The following SNAI3 variants were observed in gnomAD, a reference collection of about 807,000 sequenced individuals.
The protein encoded by SNAI3 is zinc finger protein SNAI3.
A neutral mutation model predicts 16.4 loss-of-function variants in SNAI3; 21 were observed. That is an observed-to-expected ratio of 1.28 (90% CI 0.91 to 1.85). The LOEUF is 1.85. Among genes scored for constraint, SNAI3 ranks in the 40% most tolerant of loss-of-function variants. The pLI, the probability that SNAI3 is intolerant of heterozygous loss-of-function variation, is 0.00. For missense variants in SNAI3, 457 were observed against 372.8 expected, an observed-to-expected ratio of 1.23 and a Z score of -1.86; for synonymous variants, 202 against 166.6, an observed-to-expected ratio of 1.21 and a Z score of -1.64.
In SNAI3 at chr16:88,681,978, A is replaced by G. The variant is rs1909189512; in HGVS notation, c.77-264T>C. Among the ~76,000 whole-genome samples, 1 of 152,134 alleles carries G rather than the reference A, an allele frequency of 6.6e-6. No homozygotes were observed. The highest frequency in any genetic ancestry group is 1.5e-5 in the Non-Finnish European group (1 of 68,022). ...GAATCTCACTTCCTCTTTAAACACA[A>G]AGAAACATCTGACGGGACCCTTTGT... On this transcript the variant is annotated intron_variant, in intron 1 of 2. Coordinates refer to ENST00000332281, the MANE Select transcript of SNAI3 (RefSeq NM_178310.4). The surrounding 1 kb of genome is among the most constrained non-coding windows in gnomAD (Gnocchi z 5.4).
In SNAI3 at chr16:88,681,831, T is replaced by A; in HGVS notation, c.77-117A>T. 1 of 1,187,192 alleles carries A rather than the reference T, an allele frequency of 8.4e-7. No homozygotes were observed. The highest frequency in any genetic ancestry group is 1.1e-6 in the Non-Finnish European group (1 of 931,774). The allele number at this position is 1,187,192 out of a possible 1,614,324, so 73.5% of individuals were successfully genotyped here. ...CCCATCAGCAGCCTGGCGTGGGAGG[T>A]GTAGCCGGGAACCTGCATGCAGACC... On this transcript the variant is annotated intron_variant, in intron 1 of 2. Coordinates refer to ENST00000332281, the MANE Select transcript of SNAI3 (RefSeq NM_178310.4). This position sits in a 1 kb window ranked among gnomAD's most constrained non-coding sequence, Gnocchi z 5.4.
chr16:88,680,045 C>T (rs1909110343), intron 2 of SNAI3, among the ~76,000 whole-genome samples: 2 of 149,760 alleles, frequency 1.3e-5, no homozygotes, highest in South Asian at 4.2e-4. Flanking sequence ...CAAACCACTG[C>T]ACTCCAGCCT....
At position 88,681,003 on chromosome 16, in the gene SNAI3, TATA is replaced by T; in HGVS notation, c.697+88_697+90del. 5.3e-6 allele frequency: 8 copies of T among 1,513,720 alleles called. No individual in the cohort carries two copies. The highest frequency in any genetic ancestry group is 7.1e-6 in the Non-Finnish European group (8 of 1,121,528). The allele number at this position is 1,513,720 out of a possible 1,614,324, so 93.8% of individuals were successfully genotyped here. ...GAATGTGAATGCCCATGCTATTGTT[TATA>T]AAATCACCCCTCCTCCTTTTCTAAC... On this transcript the variant is annotated intron_variant, in intron 2 of 2. Transcript: ENST00000332281. The surrounding 1 kb of genome is among the most constrained non-coding windows in gnomAD (Gnocchi z 5.4).
chr16:88,678,710 A>T (rs1171412363), intron 2 of SNAI3, 81 bp from the exon 3 acceptor site: 1 of 1,496,838 alleles, frequency 6.7e-7, no homozygotes, highest in African/African-American at 1.4e-5. Context: ...ATCAATGGAT[A>T]CTCCCATCCC....
At chr16:88,684,826 G>A (rs996928759) in intron 1 of SNAI3, among the ~76,000 whole-genome samples, 1 of 152,224 alleles carries the variant, frequency 6.6e-6, no homozygotes, top group Non-Finnish European at 1.5e-5. Flanking sequence ...GGCTTCAGGG[G>A]TTCCCTGGGG....
rs1323786519 is a variant in SNAI3 at position 88,678,593 on chromosome 16, G to A, written c.734C>T (p.Ala245Val). 2 of 1,046,084 alleles carry A rather than the reference G, an allele frequency of 1.9e-6. No homozygotes were observed. The highest frequency in any genetic ancestry group is 2.5e-5 in the South Asian group (2 of 80,080). 64.8% of individuals were successfully genotyped at this position (1,046,084 alleles called of 1,614,324 possible). ...KPYACSHCSR[A>V]FADRSNLRAH... ...CCGAAGGTTGGAGCGGTCGGCAAAG[G>A]CCCTGCTGCAGTGCGAGCAGGCATA... The change falls in exon 3 of 3, where the codon GCC (alanine) becomes GTC (valine). Residue 245 changes from alanine to valine, a missense_variant. Physicochemically the swap from Ala to Val is moderately conservative, Grantham distance 64 (BLOSUM62 0). Transcript: ENST00000332281.
chr16:88,686,439 T>G lies in SNAI3; in HGVS notation c.-33A>C, dbSNP rs138580254. 6.2e-7 allele frequency: 1 copy of G among 1,601,152 alleles called. No individual in the cohort carries two copies. Among genetic ancestry groups the G allele is most frequent in the Non-Finnish European group, 8.5e-7 (1 of 1,176,504 alleles). On this transcript the variant is annotated 5_prime_UTR_variant, in exon 1 of 3. Coordinates refer to ENST00000332281, the MANE Select transcript of SNAI3 (RefSeq NM_178310.4). ...TCCCGGGCGGCAGGCCGGGGTGGGC[T>G]GGGGCGGGAGGGGCGCGCCTGGGTC...
chr16:88,681,302 C>A lies in SNAI3; in HGVS notation c.489G>T (p.Thr163=). ...ECFHCHKPYH[T]LAGLARHRQL... ...GCCGGTGCCTGGCCAGCCCGGCCAGCGTGTGGTAGGGTTTGTGGCAGTGGA... is the reference window on the plus strand; with the variant it reads ...GCCGGTGCCTGGCCAGCCCGGCCAGAGTGTGGTAGGGTTTGTGGCAGTGGA... Residue 163 remains threonine (T), a synonymous_variant, in exon 2 of 3, where the codon ACG becomes ACT. Transcript: ENST00000332281. This position sits in a 1 kb window ranked among gnomAD's most constrained non-coding sequence, Gnocchi z 5.4. The A allele has an allele frequency of 1.2e-6, 2 of 1,613,216 alleles. No homozygotes were observed. The highest frequency in any genetic ancestry group is 8.5e-7 in the Non-Finnish European group (1 of 1,179,876).
rs969764208 is a variant in SNAI3 at position 88,678,355 on chromosome 16, G to A, written c.*93C>T. ...CGCACCAAGTGTGAGGCCAGGCCCCGCCCTCCCAGACTCCTGGCTCCTCTG... is the reference window on the plus strand; with the variant it reads ...CGCACCAAGTGTGAGGCCAGGCCCCACCCTCCCAGACTCCTGGCTCCTCTG... On this transcript the variant is annotated 3_prime_UTR_variant, in exon 3 of 3. Transcript: ENST00000332281. 18 of 618,842 alleles carry A rather than the reference G, an allele frequency of 2.9e-5. No homozygotes were observed. Among genetic ancestry groups the A allele is most frequent in the African/African-American group, 2.4e-4 (13 of 54,882 alleles). The allele number at this position is 618,842 out of a possible 1,614,324, so 38.3% of individuals were successfully genotyped here.
Position 88,678,246 on chromosome 16 carries a change from C to A in SNAI3, c.*202G>T, listed in dbSNP as rs972250153. 5.4e-6 allele frequency: 3 copies of A among 560,444 alleles called. No individual in the cohort carries two copies. Among genetic ancestry groups the A allele is most frequent in the African/African-American group, 1.9e-5 (1 of 52,202 alleles). The allele number at this position is 560,444 out of a possible 1,614,324, so 34.7% of individuals were successfully genotyped here. ...GAGTCTCCTCTGAGTGGGCTCCGCG[C>A]GGTGGGATGCCTGGGGGAGTGTCCT... is the stretch of plus-strand genomic sequence containing the variant. On this transcript the variant is annotated 3_prime_UTR_variant, in exon 3 of 3. Coordinates refer to ENST00000332281, the MANE Select transcript of SNAI3 (RefSeq NM_178310.4).
rs1392466841 is a variant in SNAI3, at chr16:88,681,783, C to T, written c.77-69G>A. 7.5e-7 allele frequency: 1 copy of T among 1,339,588 alleles called. No homozygotes were observed. Among genetic ancestry groups the T allele is most frequent in the African/African-American group, 1.5e-5 (1 of 67,450 alleles). 83.0% of individuals were successfully genotyped at this position (1,339,588 alleles called of 1,614,324 possible). A position where few individuals can be genotyped will look rare whatever the true frequency, so the allele number is the denominator to read the frequency against. ...CCCCAGCACTTTGTGTTTTCCAACTCTGATTCGTGGACCCAGTCACAGCCC... is the reference window on the plus strand; with the variant it reads ...CCCCAGCACTTTGTGTTTTCCAACTTTGATTCGTGGACCCAGTCACAGCCC... On this transcript the variant is annotated intron_variant, in intron 1 of 2. Coordinates refer to ENST00000332281, the MANE Select transcript of SNAI3 (RefSeq NM_178310.4). The surrounding 1 kb of genome is among the most constrained non-coding windows in gnomAD (Gnocchi z 5.4).
rs1261322451 is a variant in SNAI3 at position 88,678,481 on chromosome 16, C to T, written c.846G>A (p.Arg282=). ...CCGGGCAGCAGCCAGACTCCTCATG[C>T]CGCGCCAGGAGGGACATGCGGGAGA... ...KTFSRMSLLA[R]HEESGCCPGP Residue 282 remains arginine, a synonymous_variant, in exon 3 of 3, where the codon CGG becomes CGA. Transcript: ENST00000332281. 2.6e-6 allele frequency: 2 copies of T among 778,196 alleles called. No individual in the cohort carries two copies. Among genetic ancestry groups the T allele is most frequent in the South Asian group, 1.3e-5 (1 of 74,602 alleles). The allele number at this position is 778,196 out of a possible 1,614,324, so 48.2% of individuals were successfully genotyped here.
rs949469367 is a variant in SNAI3 at position 88,683,141 on chromosome 16, A to C, written c.77-1427T>G. 5.0e-4 allele frequency among the ~76,000 whole-genome samples: 66 copies of C among 132,918 alleles called. 1 individual carries two copies. In the Admixed American group the frequency reaches 5.6e-3, roughly 11 times the overall value. The allele number at this position is 132,918 out of a possible 152,430, so 87.2% of individuals were successfully genotyped here. On this transcript the variant is annotated intron_variant, in intron 1 of 2. Coordinates refer to ENST00000332281, the MANE Select transcript of SNAI3 (RefSeq NM_178310.4). The stretch of plus-strand genomic sequence containing the variant: ...TGCTCTGTCTCCCAGGCTGGAGTGC[A>C]GTGGCGTGAAATCGGCTCACTGCAA...
At position 88,678,237 on chromosome 16, in the gene SNAI3, GGCTCC is replaced by G. The variant is rs1479056040; in HGVS notation, c.*206_*210del. 1.1e-5 allele frequency: 6 copies of G among 536,338 alleles called. No individual in the cohort carries two copies. The Admixed American group carries it at 2.1e-4, about 18-fold the overall frequency. 33.2% of individuals were successfully genotyped at this position (536,338 alleles called of 1,614,324 possible). ...CCGGGAGAGGAGTCTCCTCTGAGTG[GGCTCC>G]GCGCGGTGGGATGCCTGGGGGAGTG... On this transcript the variant is annotated 3_prime_UTR_variant, in exon 3 of 3. Coordinates refer to ENST00000332281, the MANE Select transcript of SNAI3 (RefSeq NM_178310.4).
At chr16:88,682,233 C>G (rs1403715213) in intron 1 of SNAI3, among the ~76,000 whole-genome samples, 1 of 152,228 alleles carries the variant, frequency 6.6e-6, no homozygotes, top group African/African-American at 2.4e-5. Flanking sequence ...CACAGTCGCC[C>G]CTCGGGCATC....
chr16:88,686,394 A>T lies in SNAI3; in HGVS notation c.13T>A (p.Phe5Ile), dbSNP rs1330907486. Residue 5 changes from phenylalanine (F) to isoleucine (I), a missense_variant, in exon 1 of 3, where the codon TTC becomes ATC. Physicochemically the swap from Phe to Ile is conservative, Grantham distance 21. Transcript: ENST00000332281. ...TGGCTGGAGTGCGTTTTCACCAGGA[A>T]GGAGCGCGGCATGTTCCCCTCCCGG... Reference protein sequence around the residue: MPRSFLVKTHSSHRV... With the variant: MPRSILVKTHSSHRV... 1.2e-6 allele frequency: 2 copies of T among 1,611,062 alleles called. No individual in the cohort carries two copies. Among genetic ancestry groups the T allele is most frequent in the Middle Eastern group, 1.7e-4 (1 of 6,060 alleles).
rs909381383 is a variant in SNAI3 at position 88,678,071 on chromosome 16, G to A, written c.*377C>T. Reference sequence around the variant, plus strand: ...TTCATTTCTGCTGCAATGGAACTAGGCAGCCTTGCCAGCCATCCGGCGGCA... The same window carrying A: ...TTCATTTCTGCTGCAATGGAACTAGACAGCCTTGCCAGCCATCCGGCGGCA... On this transcript the variant is annotated 3_prime_UTR_variant, in exon 3 of 3. Transcript: ENST00000332281. 3 of 210,996 alleles carry A rather than the reference G, an allele frequency of 1.4e-5. No homozygotes were observed. The highest frequency in any genetic ancestry group is 2.4e-4 in the East Asian group (2 of 8,332). 13.1% of individuals were successfully genotyped at this position (210,996 alleles called of 1,614,324 possible).
At chr16:88,679,406 T>A (rs573605884) in intron 2 of SNAI3, among the ~76,000 whole-genome samples, 10 of 152,152 alleles carry the variant, frequency 6.6e-5, no homozygotes, top group African/African-American at 2.2e-4. Context: ...CAGGTGTGAC[T>A]CAGAGGGTCC....
At chr16:88,678,785 C>T (rs1255355450) in intron 2 of SNAI3, 156 bp from the exon 3 acceptor site, 1 of 985,326 alleles carries the variant, frequency 1.0e-6, no homozygotes, top group Non-Finnish European at 1.2e-6. Context: ...GGTGGCACGC[C>T]ACATCACCTG....
Sources: allele counts gnomAD v4.1 joint callset (sites outside exome capture counted in the v4.1 genomes callset), GRCh38; gene constraint gnomAD v4.1.1; non-coding constraint Gnocchi (gnomAD v3.1); transcripts MANE v1.5; gene names NCBI Gene and HGNC (gene_info 2026-07-23, HGNC 2026-07-21).